The following FRMD4A variants were observed in gnomAD, a reference collection of about 807,000 sequenced individuals.
FRMD4A encodes the protein FERM domain-containing protein 4A.
In FRMD4A, 29 loss-of-function variants were observed where a neutral mutation model predicts 129.1. The observed-to-expected ratio is 0.22, with a 90% CI of 0.17 to 0.31. The LOEUF (loss-of-function observed/expected upper bound fraction) is 0.31. FRMD4A is among the 10% of genes least tolerant of loss of function. The probability of loss-of-function intolerance (pLI) is 1.00; values close to 1 mark genes in which losing one functional copy is unlikely to be tolerated. For synonymous variants in FRMD4A, 634 were observed against 571.6 expected (o/e 1.11, Z -1.56); for missense variants, 1,272 against 1,375.8 (o/e 0.92, Z 1.19).
chr10:13,856,069 T>C (rs188083819), intron 3 of FRMD4A, among the ~76,000 whole-genome samples: 6 of 151,960 alleles, frequency 3.9e-5, no homozygotes, highest in South Asian at 2.1e-4. Flanking sequence ...TATGTATACA[T>C]AGATACACGC....
chr10:13,934,019 A>G, intron 2 of FRMD4A, among the ~76,000 whole-genome samples: 1 of 152,220 alleles, frequency 6.6e-6, no homozygotes, highest in East Asian at 1.9e-4. Context: ...TTGTAAAGGA[A>G]CATTGAAACC....
At chr10:13,787,009 T>C (rs112154877) in intron 5 of FRMD4A, among the ~76,000 whole-genome samples, 1 of 152,178 alleles carries the variant, frequency 6.6e-6, no homozygotes, top group Non-Finnish European at 1.5e-5. Context: ...CACTCTCATA[T>C]GATGGAAAAC....
intron 2 of FRMD4A, among the ~76,000 whole-genome samples, chr10:13,934,160 T>C (rs1356600106): frequency 6.6e-6 from 1 of 152,154 alleles, no homozygotes; most frequent in African/African-American, 2.4e-5. Context: ...GTGAGGAACA[T>C]AGAAGGAGCC....
intron 19 of FRMD4A, 141 bp downstream of exon 19, chr10:13,663,312 G>A (rs1156606252): frequency 9.6e-6 from 6 of 624,228 alleles, no homozygotes; most frequent in Admixed American, 2.8e-5. Flanking sequence ...TGAATACTGG[G>A]AAATGAGAGA....
At chr10:14,323,375 G>A (rs1330496567) in intron 2 of FRMD4A, among the ~76,000 whole-genome samples, 1 of 152,168 alleles carries the variant, frequency 6.6e-6, no homozygotes, top group Non-Finnish European at 1.5e-5. Context: ...TTACATGGTA[G>A]CTATTATTAT....
chr10:14,252,662 T>C (rs1271791079), intron 2 of FRMD4A, among the ~76,000 whole-genome samples: 1 of 152,272 alleles, frequency 6.6e-6, no homozygotes. Context: ...TCTGGCAATG[T>C]TAACTTTGAT....
chr10:13,925,755 T>A (rs2095126944), intron 2 of FRMD4A, among the ~76,000 whole-genome samples: 1 of 151,648 alleles, frequency 6.6e-6, no homozygotes, highest in African/African-American at 2.4e-5. Flanking sequence ...GAATAATTTT[T>A]TGTAATTTTA....
intron 3 of FRMD4A, among the ~76,000 whole-genome samples, chr10:13,846,918 C>G (rs1465393772): frequency 6.6e-6 from 1 of 152,172 alleles, no homozygotes; most frequent in African/African-American, 2.4e-5. Flanking sequence ...CAAGGAGCTG[C>G]TCTGGTGACA....
At chr10:14,170,274 G>A (rs1841408108) in intron 2 of FRMD4A, among the ~76,000 whole-genome samples, 1 of 152,150 alleles carries the variant, frequency 6.6e-6, no homozygotes, top group Admixed American at 6.5e-5. Flanking sequence ...GCTCTGTGTG[G>A]CTGACTATTA....
At chr10:14,128,004 CT>C (rs58494621) in intron 2 of FRMD4A, among the ~76,000 whole-genome samples, 1,824 of 93,434 alleles carry the variant, frequency 0.02, 150 homozygotes, top group African/African-American at 0.059. Context: ...CTCTCTCTTT[CT>C]TTCTTTCTTC....
intron 2 of FRMD4A, among the ~76,000 whole-genome samples, chr10:13,874,071 C>T (rs1457447247): frequency 6.6e-6 from 1 of 150,748 alleles, no homozygotes; most frequent in East Asian, 2.0e-4. Flanking sequence ...CATGGTGAAA[C>T]CTCGTCTCTA....
At chr10:14,166,736 G>A (rs1841199961) in intron 2 of FRMD4A, among the ~76,000 whole-genome samples, 1 of 152,188 alleles carries the variant, frequency 6.6e-6, no homozygotes, top group African/African-American at 2.4e-5. Context: ...CCCATTACTT[G>A]TCCCCAAATA....
At chr10:14,276,520 T>C (rs1438344992) in intron 2 of FRMD4A, among the ~76,000 whole-genome samples, 1 of 152,238 alleles carries the variant, frequency 6.6e-6, no homozygotes, top group African/African-American at 2.4e-5. Flanking sequence ...TGTGGCCTTT[T>C]GGCTCAGGAA....
At chr10:14,123,882 G>A (rs1838677362) in intron 2 of FRMD4A, among the ~76,000 whole-genome samples, 1 of 152,152 alleles carries the variant, frequency 6.6e-6, no homozygotes, top group South Asian at 2.1e-4. Context: ...CCCTCATTTA[G>A]GTAACGTCTT....
intron 2 of FRMD4A, among the ~76,000 whole-genome samples, chr10:13,870,425 C>T (rs1224781308): frequency 2.6e-5 from 4 of 152,250 alleles, no homozygotes; most frequent in African/African-American, 4.8e-5. Flanking sequence ...GGACCATCCT[C>T]TCCCTTGCCG....
At chr10:13,684,663 A>T (rs1384245062) in intron 15 of FRMD4A, 51 of 985,184 alleles carry the variant, frequency 5.2e-5, no homozygotes, top group Non-Finnish European at 6.1e-5. Flanking sequence ...TGCCAGGAGG[A>T]CGTTGTCAGG....
chr10:14,192,823 T>C (rs1842357346), intron 2 of FRMD4A, among the ~76,000 whole-genome samples: 1 of 152,274 alleles, frequency 6.6e-6, no homozygotes, highest in South Asian at 2.1e-4. Flanking sequence ...CATTTTTGCA[T>C]CAACTTTTTC....
At chr10:13,935,694 C>T (rs897545811) in intron 2 of FRMD4A, among the ~76,000 whole-genome samples, 6 of 152,176 alleles carry the variant, frequency 3.9e-5, no homozygotes, top group South Asian at 2.1e-4. Flanking sequence ...TCAGCACCTG[C>T]GATGTGCCAG....
At chr10:13,902,059 C>T (rs542964237) in intron 2 of FRMD4A, among the ~76,000 whole-genome samples, 13 of 152,288 alleles carry the variant, frequency 8.5e-5, no homozygotes, top group African/African-American at 3.1e-4. Flanking sequence ...CACTGTCATC[C>T]AGGCTGGAGT....
Sources: gnomAD v4.1 joint callset for allele counts (sites outside exome capture counted in the v4.1 genomes callset) on GRCh38, gnomAD v4.1.1 for gene constraint, MANE v1.5 for transcripts, NCBI Gene and HGNC (gene_info 2026-07-23, HGNC 2026-07-21) for gene names.